Variants in FGF14 observed in about 807,000 individuals in gnomAD.
The protein encoded by FGF14 is fibroblast growth factor 14.
FGF14 carries 5 observed loss-of-function variants against 25.5 expected under a neutral mutation model. The observed-to-expected ratio is 0.20, with a 90% CI of 0.10 to 0.41. FGF14 has a LOEUF of 0.41. FGF14 is among the 10% of genes least tolerant of loss of function. The pLI is 1.00. For synonymous variants in FGF14, 138 were observed against 118.3 expected (o/e 1.17, Z -1.08); for missense variants, 222 against 320.1 (o/e 0.69, Z 2.34).
intron 1 of FGF14, among the ~76,000 whole-genome samples, chr13:102,311,147 G>A (rs1487954042): frequency 6.6e-6 from 1 of 152,118 alleles, no homozygotes; most frequent in African/African-American, 2.4e-5. Context: ...ATTCAGCATG[G>A]TCCAAGGGAA....
chr13:101,931,625 G>T (rs886516789), intron 1 of FGF14, among the ~76,000 whole-genome samples: 1 of 152,062 alleles, frequency 6.6e-6, no homozygotes, highest in Non-Finnish European at 1.5e-5. Flanking sequence ...ACTGTGCTTG[G>T]CCCACAGAAG....
At chr13:101,913,726 C>A (rs912341006) in intron 1 of FGF14, among the ~76,000 whole-genome samples, 2 of 152,068 alleles carry the variant, frequency 1.3e-5, no homozygotes, top group Non-Finnish European at 2.9e-5. Context: ...TCTCTGCATC[C>A]TTCTTACCTG....
At chr13:101,761,228 A>G (rs2038006284) in intron 3 of FGF14, among the ~76,000 whole-genome samples, 1 of 152,228 alleles carries the variant, frequency 6.6e-6, no homozygotes, top group African/African-American at 2.4e-5. Flanking sequence ...GAACCTTCAA[A>G]TAAATCACAG....
chr13:101,889,986 T>C (rs1170121297), intron 1 of FGF14, among the ~76,000 whole-genome samples: 3 of 152,210 alleles, frequency 2.0e-5, no homozygotes, highest in African/African-American at 7.2e-5. Flanking sequence ...TAGTTTCTAA[T>C]CTCTCCTGTC....
chr13:101,916,378 G>A, intron 1 of FGF14, 75 bp downstream of exon 1: 1 of 1,560,128 alleles, frequency 6.4e-7, no homozygotes, highest in Non-Finnish European at 8.8e-7. Flanking sequence ...AGGGAGGGAA[G>A]GAGCCTGGAG....
chr13:101,785,139 A>C (rs1419542762), intron 3 of FGF14, among the ~76,000 whole-genome samples: 1 of 152,148 alleles, frequency 6.6e-6, no homozygotes, highest in African/African-American at 2.4e-5. Flanking sequence ...ATGTCTTCCA[A>C]ATGTACATAT....
intron 1 of FGF14, among the ~76,000 whole-genome samples, chr13:101,994,180 G>C (rs1179186132): frequency 6.6e-6 from 1 of 151,914 alleles, no homozygotes. Flanking sequence ...TAAAGATAAA[G>C]AGAACAAACT....
chr13:101,940,782 G>A (rs1290486235), intron 1 of FGF14, among the ~76,000 whole-genome samples: 2 of 152,096 alleles, frequency 1.3e-5, no homozygotes, highest in Non-Finnish European at 2.9e-5. Context: ...ATGAGATCAG[G>A]GGTCCCTTAG....
intron 3 of FGF14, among the ~76,000 whole-genome samples, chr13:101,830,764 G>A (rs1342135202): frequency 6.6e-6 from 1 of 152,036 alleles, no homozygotes; most frequent in Non-Finnish European, 1.5e-5. Context: ...AGTCTATCAA[G>A]GGTCTCACTG....
chr13:102,029,854 T>G (rs1026102617), intron 1 of FGF14, among the ~76,000 whole-genome samples: 11 of 152,116 alleles, frequency 7.2e-5, no homozygotes, highest in Non-Finnish European at 1.6e-4. Context: ...GTTCATTATT[T>G]AACACATCTT....
chr13:101,827,251 C>T (rs1035520906), intron 3 of FGF14, among the ~76,000 whole-genome samples: 1 of 151,844 alleles, frequency 6.6e-6, no homozygotes, highest in Non-Finnish European at 1.5e-5. Flanking sequence ...ATGCAGATAG[C>T]TTGGTGTAAA....
At chr13:102,165,299 G>C (rs545894611) in intron 1 of FGF14, among the ~76,000 whole-genome samples, 1 of 151,950 alleles carries the variant, frequency 6.6e-6, no homozygotes, top group African/African-American at 2.4e-5. Flanking sequence ...ATTTGACCCA[G>C]CCATCCCATT....
intron 1 of FGF14, among the ~76,000 whole-genome samples, chr13:102,173,962 A>C (rs1366516576): frequency 1.3e-5 from 2 of 152,110 alleles, no homozygotes; most frequent in African/African-American, 4.8e-5. Flanking sequence ...AAGAGAAAGA[A>C]TAAAAGGCAT....
intron 1 of FGF14, among the ~76,000 whole-genome samples, chr13:101,982,091 T>C (rs534534268): frequency 4.6e-5 from 7 of 152,244 alleles, no homozygotes; most frequent in South Asian, 2.1e-4. Flanking sequence ...ACCATAAAAT[T>C]TGACAATCAA....
chr13:102,095,618 G>A (rs1019265200), intron 1 of FGF14, among the ~76,000 whole-genome samples: 1 of 152,050 alleles, frequency 6.6e-6, no homozygotes, highest in Non-Finnish European at 1.5e-5. Flanking sequence ...AAGACAGCAA[G>A]ACCAGCCCCT....
At chr13:102,087,926 G>A (rs2044000915) in intron 1 of FGF14, among the ~76,000 whole-genome samples, 3 of 152,138 alleles carry the variant, frequency 2.0e-5, no homozygotes, top group Admixed American at 6.5e-5. Flanking sequence ...AAGATGATAT[G>A]TATGCAGATG....
intron 1 of FGF14, among the ~76,000 whole-genome samples, chr13:102,093,813 T>TAAA (rs141719540): frequency 0.043 from 6,199 of 144,040 alleles, 395 homozygotes; most frequent in African/African-American, 0.14. Flanking sequence ...GATCATTGTT[T>TAAA]AAAAAAAAAA....
intron 1 of FGF14, among the ~76,000 whole-genome samples, chr13:102,152,770 C>T (rs2047145316): frequency 6.6e-6 from 1 of 152,198 alleles, no homozygotes; most frequent in African/African-American, 2.4e-5. Flanking sequence ...TATATCTAAA[C>T]ACTGCATTTT....
At chr13:102,161,862 T>C (rs2047791404) in intron 1 of FGF14, among the ~76,000 whole-genome samples, 2 of 151,184 alleles carry the variant, frequency 1.3e-5, no homozygotes, top group African/African-American at 2.4e-5. Context: ...AATGAGTGAA[T>C]GACATTGCTC....
Sources: gnomAD v4.1 joint callset for allele counts (sites outside exome capture counted in the v4.1 genomes callset) on GRCh38, gnomAD v4.1.1 for gene constraint, MANE v1.5 for transcripts, NCBI Gene and HGNC (gene_info 2026-07-23, HGNC 2026-07-21) for gene names.